The following SPECC1L variants were observed in gnomAD, a reference collection of about 807,000 sequenced individuals.
The protein encoded by SPECC1L is sperm antigen with calponin homology and coiled-coil domains 1 like, also known as cytospin-A.
In SPECC1L, 40 loss-of-function variants were observed where a neutral mutation model predicts 116.8. That is an observed-to-expected ratio of 0.34 (90% CI 0.27 to 0.45). The LOEUF (loss-of-function observed/expected upper bound fraction) is 0.45, where lower values mean the gene tolerates loss of function less well. Ranked by LOEUF, SPECC1L falls within the 20% of genes least tolerant of loss-of-function variation. The probability of loss-of-function intolerance (pLI) is 1.00; values close to 1 mark genes in which losing one functional copy is unlikely to be tolerated. For missense variants in SPECC1L, 1,110 were observed against 1,373.6 expected (o/e 0.81, Z 3.03); for synonymous variants, 504 against 500.6 (o/e 1.01, Z -0.09).
chr22:24,305,358 A>G (rs1490262456), intron 3 of SPECC1L, among the ~76,000 whole-genome samples: 1 of 152,172 alleles, frequency 6.6e-6, no homozygotes, highest in Non-Finnish European at 1.5e-5. Flanking sequence ...CCCCCAAAGT[A>G]ACTACCATTC....
intron 2 of SPECC1L, among the ~76,000 whole-genome samples, chr22:24,292,796 T>C (rs2146371613): frequency 6.6e-6 from 1 of 152,304 alleles, no homozygotes; most frequent in East Asian, 1.9e-4. Context: ...TAGATGAGAA[T>C]ACTGGGTGGC....
At chr22:24,384,008 A>G (rs1191617766) in intron 14 of SPECC1L, among the ~76,000 whole-genome samples, 2 of 151,778 alleles carry the variant, frequency 1.3e-5, no homozygotes, top group East Asian at 1.9e-4. Flanking sequence ...ACTCCCATAT[A>G]TGTGTTTCAC....
chr22:24,324,616 C>G (rs567270537), intron 6 of SPECC1L, among the ~76,000 whole-genome samples, 189 bp downstream of exon 6: 48 of 152,246 alleles, frequency 3.2e-4, no homozygotes, highest in Non-Finnish European at 5.0e-4. Flanking sequence ...CTTGGGAGGC[C>G]AAGGCAGGCA....
At chr22:24,305,998 C>T (rs990525428) in intron 3 of SPECC1L, among the ~76,000 whole-genome samples, 16 of 151,892 alleles carry the variant, frequency 1.1e-4, no homozygotes, top group East Asian at 7.8e-4. Flanking sequence ...CTCCGCCTCC[C>T]GGGTTCAAGC....
At chr22:24,405,624 G>A (rs2042574085) in intron 14 of SPECC1L, among the ~76,000 whole-genome samples, 1 of 152,138 alleles carries the variant, frequency 6.6e-6, no homozygotes, top group African/African-American at 2.4e-5. Context: ...CAGATCACCT[G>A]AGGTCAGGAG....
intron 10 of SPECC1L, among the ~76,000 whole-genome samples, chr22:24,345,911 A>G (rs1473776881): frequency 6.6e-6 from 1 of 152,102 alleles, no homozygotes; most frequent in Non-Finnish European, 1.5e-5. Flanking sequence ...GGTCTGCATG[A>G]TAGTAAATAA....
chr22:24,402,737 T>C (rs2042505140), intron 14 of SPECC1L, among the ~76,000 whole-genome samples: 1 of 152,226 alleles, frequency 6.6e-6, no homozygotes, highest in East Asian at 1.9e-4. Flanking sequence ...AGCCCTTGGC[T>C]TCTTGCCCTG....
At chr22:24,391,124 C>CT (rs898913692) in intron 14 of SPECC1L, among the ~76,000 whole-genome samples, 2 of 151,936 alleles carry the variant, frequency 1.3e-5, no homozygotes, top group African/African-American at 4.8e-5. Context: ...ATCCGCCCGC[C>CT]TTGGCCTCCC....
At chr22:24,405,132 G>A (rs1471027150) in intron 14 of SPECC1L, among the ~76,000 whole-genome samples, 1 of 152,208 alleles carries the variant, frequency 6.6e-6, no homozygotes, top group Non-Finnish European at 1.5e-5. Context: ...CTGCCTTGTG[G>A]CATCCAAATG....
chr22:24,304,249 A>G (rs1367637340), intron 3 of SPECC1L: 1 of 152,098 alleles, frequency 6.6e-6, no homozygotes, highest in Non-Finnish European at 1.5e-5. Flanking sequence ...GGACACCCAC[A>G]CCTGTGTGTC....
intron 10 of SPECC1L, 100 bp from the exon 11 acceptor site, chr22:24,346,986 T>A (rs2041309383): frequency 2.1e-6 from 2 of 936,554 alleles, no homozygotes; most frequent in Non-Finnish European, 3.5e-6. Flanking sequence ...ATGGAAAGAA[T>A]TAATACGGAT....
At chr22:24,402,633 C>T (rs2042502187) in intron 14 of SPECC1L, among the ~76,000 whole-genome samples, 1 of 152,180 alleles carries the variant, frequency 6.6e-6, no homozygotes, top group South Asian at 2.1e-4. Context: ...AGGACCACCT[C>T]TGCCTGAAGG....
At chr22:24,358,378 G>C (rs2041574825) in intron 11 of SPECC1L, among the ~76,000 whole-genome samples, 1 of 151,968 alleles carries the variant, frequency 6.6e-6, no homozygotes, top group South Asian at 2.1e-4. Flanking sequence ...TAGACTATTG[G>C]GATTACAGGT....
intron 4 of SPECC1L, 47 bp downstream of exon 4, chr22:24,313,513 A>G (rs774685218): frequency 2.5e-6 from 4 of 1,597,608 alleles, no homozygotes; most frequent in Non-Finnish European, 3.4e-6. Context: ...TTTTGTTTGA[A>G]TGGGCATGAT....
intron 2 of SPECC1L, among the ~76,000 whole-genome samples, chr22:24,284,213 A>G (rs1050464169): frequency 2.0e-5 from 3 of 152,032 alleles, no homozygotes; most frequent in East Asian, 1.9e-4. Context: ...AGTGTTATAA[A>G]TTTCCCTTTA....
In SPECC1L at chr22:24,285,369, A is replaced by G. The variant is rs542860582; in HGVS notation, c.-38+8566A>G. Among the ~76,000 whole-genome samples, 58 of 152,266 alleles carry G rather than the reference A, an allele frequency of 3.8e-4. 3 individuals carry two copies. In the South Asian group the frequency reaches 0.012, roughly 30 times the overall value. On this transcript the variant is annotated intron_variant, in intron 2 of 16. Transcript: ENST00000314328. ...TTTGATGTGGTTCTTATAGCATCCT[A>G]TGTGTTAGCTGTTTCTACTTAAAGA...
chr22:24,279,739 T>C (rs1214945343), intron 2 of SPECC1L, among the ~76,000 whole-genome samples: 1 of 152,084 alleles, frequency 6.6e-6, no homozygotes, highest in Non-Finnish European at 1.5e-5. Context: ...TGTGCCACCA[T>C]GCCCGGCTAA....
chr22:24,316,363 G>A (rs1316406924), intron 4 of SPECC1L, among the ~76,000 whole-genome samples: 2 of 150,708 alleles, frequency 1.3e-5, no homozygotes, highest in Non-Finnish European at 3.0e-5. Context: ...ATAGTGGAGG[G>A]AAGGTCAGCA....
chr22:24,357,021 A>G (rs1601601622), intron 11 of SPECC1L, among the ~76,000 whole-genome samples: 1 of 143,512 alleles, frequency 7.0e-6, no homozygotes, highest in African/African-American at 2.6e-5. Flanking sequence ...GGTTGTCACA[A>G]CTGGGGGAAT....
Sources: allele counts gnomAD v4.1 joint callset (sites outside exome capture counted in the v4.1 genomes callset), GRCh38; gene constraint gnomAD v4.1.1; transcripts MANE v1.5; gene names NCBI Gene and HGNC (gene_info 2026-07-23, HGNC 2026-07-21).